EOMES: variants seen among roughly 807,000 people sequenced by gnomAD.
EOMES encodes the protein eomesodermin, also known as eomesodermin homolog.
Under a neutral mutation model 61.0 loss-of-function variants are expected in EOMES, and 18 were observed. The ratio of observed to expected loss-of-function variants is 0.30; its 90% CI spans 0.20 to 0.44. EOMES has a LOEUF of 0.44. Among genes scored for constraint, EOMES ranks in the 20% least tolerant of loss-of-function variants. The pLI, the probability that EOMES is intolerant of heterozygous loss-of-function variation, is 1.00. For missense variants in EOMES, 885 were observed against 939.2 expected (o/e 0.94, Z 0.75); for synonymous variants, 430 against 394.0 (o/e 1.09, Z -1.08).
Position 27,717,831 on chromosome 3 carries a change from T to TTA in EOMES, c.1380-24_1380-23insTA. ...ATGCTACAATATAAAGAGAAACACT[T>TTA]AAAAAAAAAAAAAAACCCTAATGTT... On this transcript the variant is annotated intron_variant, in intron 5 of 5. Transcript: ENST00000449599. This position sits in a 1 kb window ranked among gnomAD's most constrained non-coding sequence, Gnocchi z 4.5. 1 of 1,153,708 alleles carries TTA rather than the reference T, an allele frequency of 8.7e-7. No homozygotes were observed. Among genetic ancestry groups the TTA allele is most frequent in the Non-Finnish European group, 1.1e-6 (1 of 870,342 alleles). The allele number at this position is 1,153,708 out of a possible 1,614,324, so 71.5% of individuals were successfully genotyped here.
In EOMES at chr3:27,717,564, C is replaced by T. The variant is rs1383652761; in HGVS notation, c.1624G>A (p.Val542Ile). ...NPPQRWLVTPVQQPGTNKLDI... is the reference protein window; with the variant it reads ...NPPQRWLVTPIQQPGTNKLDI... Reference sequence around the variant, plus strand: ...AGTTTGTTGGTCCCAGGTTGCTGGACAGGCGTGACAAGCCACCGCTGGGGA... The same window carrying T: ...AGTTTGTTGGTCCCAGGTTGCTGGATAGGCGTGACAAGCCACCGCTGGGGA... The change falls in exon 6 of 6, where the codon GTC becomes ATC. Residue 542 changes from valine (V) to isoleucine (I), a missense_variant. Coordinates refer to ENST00000449599, the MANE Select transcript of EOMES (RefSeq NM_001278182.2). This position sits in a 1 kb window ranked among gnomAD's most constrained non-coding sequence, Gnocchi z 4.5. The T allele has an allele frequency of 1.2e-6, 2 of 1,614,230 alleles. No individual in the cohort carries two copies. The highest frequency in any genetic ancestry group is 1.1e-5 in the South Asian group (1 of 91,086).
At position 27,717,702 on chromosome 3, in the gene EOMES, G is replaced by A. The variant is rs2060579940; in HGVS notation, c.1486C>T (p.Pro496Ser). 1 of 1,614,054 alleles carries A rather than the reference G, an allele frequency of 6.2e-7. No homozygotes were observed. The highest frequency in any genetic ancestry group is 8.5e-7 in the Non-Finnish European group (1 of 1,180,008). ...GGTAAAGTGTTGACAAAGGGCTCCGGGAAGAAGGATTGAACGCCGTACCGA... is the reference window on the plus strand; with the variant it reads ...GGTAAAGTGTTGACAAAGGGCTCCGAGAAGAAGGATTGAACGCCGTACCGA... The part of the protein sequence containing the change: ...GGRYGVQSFF[P>S]EPFVNTLPQA... Residue 496 changes from proline to serine, a missense_variant, in exon 6 of 6, where the codon CCG becomes TCG. Around this residue, in one of 3 missense-constraint regions of EOMES, gnomAD observed 259 missense variants for 282.3 expected, o/e 0.92. Coordinates refer to ENST00000449599, the MANE Select transcript of EOMES (RefSeq NM_001278182.2). The surrounding 1 kb of genome is among the most constrained non-coding windows in gnomAD (Gnocchi z 4.5).
At chr3:27,719,277 C>T in intron 3 of EOMES, 83 bp downstream of exon 3, 1 of 1,342,002 alleles carries the variant, frequency 7.5e-7, no homozygotes, top group South Asian at 1.3e-5. Context: ...ATTATAAATA[C>T]AGTGAAAAGA....
chr3:27,717,058 T>A lies in EOMES; in HGVS notation c.*12A>T, dbSNP rs2060573560. ...CAAAAAGTTAGCTAATTTTTGAGGT[T>A]AAAATAACTCTTTAGGGAGTTGTGT... On this transcript the variant is annotated 3_prime_UTR_variant, in exon 6 of 6. Coordinates refer to ENST00000449599, the MANE Select transcript of EOMES (RefSeq NM_001278182.2). The surrounding 1 kb of genome is among the most constrained non-coding windows in gnomAD (Gnocchi z 4.5). The A allele has an allele frequency of 1.3e-6, 2 of 1,578,208 alleles. No individual in the cohort carries two copies. Among genetic ancestry groups the A allele is most frequent in the Non-Finnish European group, 8.6e-7 (1 of 1,161,228 alleles).
intron 1 of EOMES, among the ~76,000 whole-genome samples, chr3:27,720,926 C>T (rs1307555983): frequency 1.3e-5 from 2 of 152,214 alleles, no homozygotes; most frequent in Admixed American, 6.5e-5. Context: ...GACCGAGCTT[C>T]CGAGGCCGGC....
At chr3:27,720,147 G>T (rs377588662) in intron 2 of EOMES, 24 bp downstream of exon 2, 2 of 1,532,686 alleles carry the variant, frequency 1.3e-6, no homozygotes, top group Non-Finnish European at 1.7e-6. Flanking sequence ...GTTCCTCCCC[G>T]GCCCGAGCCT....
Position 27,717,808 on chromosome 3 carries a change from G to A in EOMES, c.1380C>T (p.Ser460=). 1 of 1,561,138 alleles carries A rather than the reference G, an allele frequency of 6.4e-7. No homozygotes were observed. The highest frequency in any genetic ancestry group is 8.7e-7 in the Non-Finnish European group (1 of 1,151,892). The change falls in exon 6 of 6, where the codon TCC becomes TCT. Residue 460 remains serine (S), a splice_region_variant and synonymous_variant. Coordinates refer to ENST00000449599, the MANE Select transcript of EOMES (RefSeq NM_001278182.2). The surrounding 1 kb of genome is among the most constrained non-coding windows in gnomAD (Gnocchi z 4.5). ...TGTCATTTTCTGAAGCGGTGTACAT[G>A]CTACAATATAAAGAGAAACACTTAA... The part of the protein sequence containing the change: ...FAKGFRDNYD[S]MYTASENDRL...
chr3:27,718,022 T>C (rs1361088238), intron 5 of EOMES, among the ~76,000 whole-genome samples: 5 of 152,062 alleles, frequency 3.3e-5, no homozygotes, highest in Admixed American at 2.6e-4. Context: ...CAAGAAAAAG[T>C]TTCCTCCTAG....
Position 27,719,279 on chromosome 3 carries a change from G to A in EOMES, c.1158+81C>T. ...CACAAATGCAAATATTATAAATACA[G>A]TGAAAAGAGTAGGGACTCTTATTAG... On this transcript the variant is annotated intron_variant, in intron 3 of 5. Transcript: ENST00000449599. 5 of 1,357,028 alleles carry A rather than the reference G, an allele frequency of 3.7e-6. No individual in the cohort carries two copies. In the South Asian group the frequency reaches 5.2e-5, roughly 14 times the overall value. The allele number at this position is 1,357,028 out of a possible 1,614,324, so 84.1% of individuals were successfully genotyped here.
chr3:27,721,085 T>C lies in EOMES; in HGVS notation c.881+329A>G, dbSNP rs953134944. 2.6e-5 allele frequency among the ~76,000 whole-genome samples: 4 copies of C among 152,222 alleles called. No individual in the cohort carries two copies. The highest frequency in any genetic ancestry group is 9.6e-5 in the African/African-American group (4 of 41,460). On this transcript the variant is annotated intron_variant, in intron 1 of 5. Coordinates refer to ENST00000449599, the MANE Select transcript of EOMES (RefSeq NM_001278182.2). This position sits in a 1 kb window ranked among gnomAD's most constrained non-coding sequence, Gnocchi z 7.4. ...GCCGGCATGCAGGCATGCACAAGCA[T>C]ACCGCCGAGCAGGAGGATCTAACGA... is the stretch of plus-strand genomic sequence containing the variant.
chr3:27,717,568 C>T lies in EOMES; in HGVS notation c.1620G>A (p.Thr540=), dbSNP rs372442928. Reference sequence around the variant, plus strand: ...TGTTGGTCCCAGGTTGCTGGACAGGCGTGACAAGCCACCGCTGGGGAGGGT... The same window carrying T: ...TGTTGGTCCCAGGTTGCTGGACAGGTGTGACAAGCCACCGCTGGGGAGGGT... ...VANPPQRWLV[T]PVQQPGTNKL... Residue 540 remains threonine (T), a synonymous_variant, in exon 6 of 6, where the codon ACG becomes ACA. Transcript: ENST00000449599. The surrounding 1 kb of genome is among the most constrained non-coding windows in gnomAD (Gnocchi z 4.5). The T allele has an allele frequency of 1.2e-4, 187 of 1,614,014 alleles. No homozygotes were observed. The highest frequency in any genetic ancestry group is 1.4e-4 in the Non-Finnish European group (169 of 1,180,028).
rs536220570 is a variant in EOMES at position 27,717,728 on chromosome 3, C to A, written c.1460G>T (p.Gly487Val). 6.2e-7 allele frequency: 1 copy of A among 1,613,758 alleles called. No individual in the cohort carries two copies. Among genetic ancestry groups the A allele is most frequent in the African/African-American group, 1.3e-5 (1 of 74,896 alleles). ...GAAGAAGGATTGAACGCCGTACCGA[C>A]CTCCAGGGACAATCTGATGGGATCT... The part of the protein sequence containing the change: ...SPRSHQIVPG[G>V]RYGVQSFFPE... Residue 487 changes from glycine to valine, a missense_variant, in exon 6 of 6, where the codon GGT (glycine) becomes GTT (valine). By Grantham distance (109) the Gly-to-Val change is moderately radical. Coordinates refer to ENST00000449599, the MANE Select transcript of EOMES (RefSeq NM_001278182.2). The surrounding 1 kb of genome is among the most constrained non-coding windows in gnomAD (Gnocchi z 4.5).
At chr3:27,718,919 C>A (rs745930966) in intron 3 of EOMES, 26 bp from the exon 4 acceptor site, 3 of 1,567,160 alleles carry the variant, frequency 1.9e-6, no homozygotes, top group Non-Finnish European at 2.6e-6. Context: ...AAAAAAATTG[C>A]TAAATCTAAA....
chr3:27,718,942 G>C, intron 3 of EOMES, 49 bp from the exon 4 acceptor site: 1 of 1,393,920 alleles, frequency 7.2e-7, no homozygotes. Flanking sequence ...GCCTCTTAGT[G>C]GTTCAACAAA....
chr3:27,722,228 C>T lies in EOMES; in HGVS notation c.67G>A (p.Glu23Lys). ...NLPGAHFYPL[E>K]SARGGSGGSA... ...CCGCCGCTGCCGCCTCGCGCACTCT[C>T]CAGCGGGTAGAAGTGCGCGCCAGGC... Residue 23 changes from glutamate to lysine, a missense_variant, in exon 1 of 6, where the codon GAG becomes AAG. Physicochemically the swap from Glu to Lys is moderately conservative, Grantham distance 56 (BLOSUM62 1). Transcript: ENST00000449599. The T allele has an allele frequency of 8.1e-6, 13 of 1,605,530 alleles. No homozygotes were observed. Among genetic ancestry groups the T allele is most frequent in the Non-Finnish European group, 1.1e-5 (13 of 1,176,930 alleles).
Position 27,721,897 on chromosome 3 carries a change from C to A in EOMES, c.398G>T (p.Arg133Leu), listed in dbSNP as rs1253370536. 2.1e-6 allele frequency: 3 copies of A among 1,429,586 alleles called. No homozygotes were observed. The highest frequency in any genetic ancestry group is 3.1e-5 in the East Asian group (1 of 32,402). 88.6% of individuals were successfully genotyped at this position (1,429,586 alleles called of 1,614,324 possible). Reference sequence around the variant, plus strand: ...GGAGCTCAGGCTGTCCATGGAGTAGCGCGCAGTGGCCGCAGCCGCGGCGGC... The same window carrying A: ...GGAGCTCAGGCTGTCCATGGAGTAGAGCGCAGTGGCCGCAGCCGCGGCGGC... The part of the protein sequence containing the change: ...AAAAAAAATA[R>L]YSMDSLSSER... The change falls in exon 1 of 6, where the codon CGC becomes CTC. Residue 133 changes from arginine (R) to leucine (L), a missense_variant. Physicochemically the swap from Arg to Leu is moderately radical, Grantham distance 102. Transcript: ENST00000449599. This position sits in a 1 kb window ranked among gnomAD's most constrained non-coding sequence, Gnocchi z 7.4.
rs771146337 is a variant in EOMES, at chr3:27,722,096, C to T, written c.199G>A (p.Glu67Lys). 24 of 1,548,586 alleles carry T rather than the reference C, an allele frequency of 1.5e-5. No individual in the cohort carries two copies. The South Asian group carries it at 2.5e-4, about 16-fold the overall frequency. ...GCCCCTGCGCTGGCGGCTGCGGGCT[C>T]CCCGCTCACCGCCTCGCAGGAGAGA... ...GSLSCEAVSG[E>K]PAAASAGAPA... Residue 67 changes from glutamate (E) to lysine (K), a missense_variant, in exon 1 of 6, where the codon GAG becomes AAG. Physicochemically the swap from Glu to Lys is moderately conservative, Grantham distance 56. Transcript: ENST00000449599.
chr3:27,721,818 G>A lies in EOMES; in HGVS notation c.477C>T (p.Pro159=), dbSNP rs2060616523. ...PGPQGSELAA[P]CSLFPYQAAA... ...CCGCCTGGTACGGGAAGAGTGAGCA[G>A]GGCGCAGCCAGCTCCGACCCCTGAG... Residue 159 remains proline (P), a synonymous_variant, in exon 1 of 6, where the codon CCC becomes CCT. Coordinates refer to ENST00000449599, the MANE Select transcript of EOMES (RefSeq NM_001278182.2). The surrounding 1 kb of genome is among the most constrained non-coding windows in gnomAD (Gnocchi z 7.4). 2 of 1,515,582 alleles carry A rather than the reference G, an allele frequency of 1.3e-6. No homozygotes were observed. The highest frequency in any genetic ancestry group is 8.8e-7 in the Non-Finnish European group (1 of 1,141,252). The allele number at this position is 1,515,582 out of a possible 1,614,324, so 93.9% of individuals were successfully genotyped here.
Position 27,720,249 on chromosome 3 carries a change from C to T in EOMES, c.958G>A (p.Val320Met). 1 of 1,613,404 alleles carries T rather than the reference C, an allele frequency of 6.2e-7. No homozygotes were observed. Among genetic ancestry groups the T allele is most frequent in the Non-Finnish European group, 8.5e-7 (1 of 1,179,744 alleles). The change falls in exon 2 of 6, where the codon GTG becomes ATG. Residue 320 changes from valine to methionine, a missense_variant. By Grantham distance (21) the Val-to-Met change is conservative. Transcript: ENST00000449599. ...TAHYNVFVEV[V>M]LADPNHWRFQ... ...CGCCAGTGGTTGGGGTCCGCCAGCA[C>T]CACCTCTACGAACACATTGTAGTGG...
Sources: allele counts gnomAD v4.1 joint callset (sites outside exome capture counted in the v4.1 genomes callset), GRCh38; gene constraint gnomAD v4.1.1; regional missense constraint gnomAD v4.1.1; non-coding constraint Gnocchi (gnomAD v3.1); transcripts MANE v1.5; gene names NCBI Gene and HGNC (gene_info 2026-07-23, HGNC 2026-07-21).